HDAC1: variants seen among roughly 807,000 people sequenced by gnomAD.
HDAC1 encodes protein deacetylase HDAC1.
Under a neutral mutation model 65.5 loss-of-function variants are expected in HDAC1, and 18 were observed. The ratio of observed to expected loss-of-function variants is 0.27; its 90% CI spans 0.19 to 0.41. The LOEUF is 0.41. Ranked by LOEUF, HDAC1 falls within the 10% of genes least tolerant of loss-of-function variation. The pLI is 1.00. For synonymous variants in HDAC1, 211 were observed against 227.9 expected (o/e 0.93, Z 0.67); for missense variants, 373 against 625.2 (o/e 0.60, Z 4.30).
intron 2 of HDAC1, among the ~76,000 whole-genome samples, chr1:32,305,969 G>A (rs1173261449): frequency 6.6e-6 from 1 of 152,022 alleles, no homozygotes; most frequent in Non-Finnish European, 1.5e-5. Flanking sequence ...TACTCATCAA[G>A]CACCTACTTT....
chr1:32,312,583 A>G (rs1641005167), intron 2 of HDAC1, among the ~76,000 whole-genome samples: 1 of 151,886 alleles, frequency 6.6e-6, no homozygotes, highest in African/African-American at 2.4e-5. Flanking sequence ...CTGGTCTCGA[A>G]CTCCTGACTT....
At position 32,331,019 on chromosome 1, in the gene HDAC1, C is replaced by A. The variant is rs993552744; in HGVS notation, c.979+111C>A. 3 of 924,052 alleles carry A rather than the reference C, an allele frequency of 3.2e-6. No homozygotes were observed. The highest frequency in any genetic ancestry group is 4.2e-5 in the Admixed American group (2 of 48,044). 57.2% of individuals were successfully genotyped at this position (924,052 alleles called of 1,614,324 possible). A position where few individuals can be genotyped will look rare whatever the true frequency, so the allele number is the denominator to read the frequency against. On this transcript the variant is annotated intron_variant, in intron 9 of 13. Coordinates refer to ENST00000373548, the MANE Select transcript of HDAC1 (RefSeq NM_004964.3). The surrounding 1 kb of genome is among the most constrained non-coding windows in gnomAD (Gnocchi z 4.2). ...TCATATGACCGCTCCTCTTCTGATA[C>A]TAGTCACTGAGTCTCCTGCCTGTCC...
chr1:32,312,928 G>A (rs534134256), intron 2 of HDAC1, among the ~76,000 whole-genome samples: 37 of 149,670 alleles, frequency 2.5e-4, no homozygotes, highest in Admixed American at 7.3e-4. Flanking sequence ...CTCCCACCTC[G>A]GCCTCCCAAA....
intron 2 of HDAC1, among the ~76,000 whole-genome samples, chr1:32,312,180 G>A (rs1222552900): frequency 1.3e-5 from 2 of 151,914 alleles, no homozygotes; most frequent in Admixed American, 6.6e-5. Flanking sequence ...AGTATCTGTC[G>A]TTCAGTCTTA....
chr1:32,300,965 TA>T (rs1201803396), intron 1 of HDAC1, among the ~76,000 whole-genome samples: 1 of 152,120 alleles, frequency 6.6e-6, no homozygotes, highest in Non-Finnish European at 1.5e-5. Context: ...TGTGTTCCAA[TA>T]AAATTTTATT....
chr1:32,330,358 T>C lies in HDAC1; in HGVS notation c.730-220T>C, dbSNP rs1641274744. On this transcript the variant is annotated intron_variant, in intron 7 of 13. Coordinates refer to ENST00000373548, the MANE Select transcript of HDAC1 (RefSeq NM_004964.3). The surrounding 1 kb of genome is among the most constrained non-coding windows in gnomAD (Gnocchi z 4.2). ...GAGGCCATTCTAGGTTCAGTGTTAC[T>C]AGAGTGTTAGAAGGGTCTTAGAGAA... 2 of 525,230 alleles carry C rather than the reference T, an allele frequency of 3.8e-6. No homozygotes were observed. Among genetic ancestry groups the C allele is most frequent in the South Asian group, 2.1e-5 (1 of 48,338 alleles). 32.5% of individuals were successfully genotyped at this position (525,230 alleles called of 1,614,324 possible).
intron 2 of HDAC1, among the ~76,000 whole-genome samples, chr1:32,308,469 A>G (rs1640941944): frequency 6.6e-6 from 1 of 152,210 alleles, no homozygotes; most frequent in Non-Finnish European, 1.5e-5. Context: ...AAATACTCCA[A>G]GTGAGATTTA....
In HDAC1 at chr1:32,293,817, G is replaced by A. The variant is rs1232727890; in HGVS notation, c.49+1599G>A. On this transcript the variant is annotated intron_variant, in intron 1 of 13. Transcript: ENST00000373548. ...CTCAGGAGGCTGAGGCAGGAGAGTCGCTTGAACCCAGGAGGCAGAGGTTGC... is the reference window on the plus strand; with the variant it reads ...CTCAGGAGGCTGAGGCAGGAGAGTCACTTGAACCCAGGAGGCAGAGGTTGC... Among the ~76,000 whole-genome samples the A allele has an allele frequency of 2.0e-5, 3 of 151,256 alleles. No homozygotes were observed. The South Asian group carries it at 6.3e-4, about 32-fold the overall frequency.
intron 3 of HDAC1, among the ~76,000 whole-genome samples, chr1:32,317,463 T>C (rs1330139711): frequency 2.0e-5 from 3 of 152,222 alleles, no homozygotes; most frequent in African/African-American, 7.2e-5. Flanking sequence ...TAAGACTTCA[T>C]ATAGTATAAC....
At chr1:32,303,258 A>G (rs2148058598) in intron 2 of HDAC1, among the ~76,000 whole-genome samples, 1 of 152,186 alleles carries the variant, frequency 6.6e-6, no homozygotes, top group Non-Finnish European at 1.5e-5. Context: ...TGAGCCCAGG[A>G]GTTCGAGACC....
At chr1:32,296,089 G>C (rs72890110) in intron 1 of HDAC1, among the ~76,000 whole-genome samples, 6,510 of 152,260 alleles carry the variant, frequency 0.043, 454 homozygotes, top group African/African-American at 0.15. Context: ...TTCTTGTAGA[G>C]AGGAGGCTCT....
chr1:32,331,971 C>T lies in HDAC1; in HGVS notation c.1220-119C>T. On this transcript the variant is annotated intron_variant, in intron 11 of 13. Transcript: ENST00000373548. This position sits in a 1 kb window ranked among gnomAD's most constrained non-coding sequence, Gnocchi z 4.2. ...GGTTAGGGAGCCCGAGTTCCTCCCT[C>T]TTCTGGTTCCCTTTCCCTTGGTGTC... 1 of 1,398,034 alleles carries T rather than the reference C, an allele frequency of 7.2e-7. No homozygotes were observed. The highest frequency in any genetic ancestry group is 9.6e-7 in the Non-Finnish European group (1 of 1,043,550). The allele number at this position is 1,398,034 out of a possible 1,614,324, so 86.6% of individuals were successfully genotyped here.
intron 13 of HDAC1, 133 bp downstream of exon 13, chr1:32,332,882 G>A: frequency 8.6e-7 from 1 of 1,169,278 alleles, no homozygotes; most frequent in Non-Finnish European, 1.3e-6. Flanking sequence ...AGTCTGTCCA[G>A]CTCTGCAGTT....
intron 3 of HDAC1, among the ~76,000 whole-genome samples, chr1:32,320,471 A>C (rs1440376876): frequency 6.6e-6 from 1 of 152,174 alleles, no homozygotes; most frequent in South Asian, 2.1e-4. Flanking sequence ...ATTGGTAAAA[A>C]ATTGGGAGAC....
At chr1:32,323,895 C>A in intron 3 of HDAC1, among the ~76,000 whole-genome samples, 1 of 152,128 alleles carries the variant, frequency 6.6e-6, no homozygotes, top group Non-Finnish European at 1.5e-5. Context: ...TTTTCTCCCT[C>A]AAGAAACGAA....
At chr1:32,301,420 T>C (rs1329968755) in intron 1 of HDAC1, among the ~76,000 whole-genome samples, 1 of 150,790 alleles carries the variant, frequency 6.6e-6, no homozygotes, top group Non-Finnish European at 1.5e-5. Flanking sequence ...CACTCCAGCC[T>C]GGGCAACACA....
At chr1:32,309,680 CAAA>C (rs560312057) in intron 2 of HDAC1, among the ~76,000 whole-genome samples, 1 of 50,904 alleles carries the variant, frequency 2.0e-5, no homozygotes. Flanking sequence ...GAGCGAGTCT[CAAA>C]AAAAAAAAAA....
At chr1:32,326,639 T>C (rs1012690343) in intron 4 of HDAC1, among the ~76,000 whole-genome samples, 1 of 151,926 alleles carries the variant, frequency 6.6e-6, no homozygotes, top group African/African-American at 2.4e-5. Context: ...TTTTTTTCTA[T>C]GCTATTTCAT....
chr1:32,298,495 C>T (rs905767190), intron 1 of HDAC1, among the ~76,000 whole-genome samples: 3 of 152,052 alleles, frequency 2.0e-5, no homozygotes, highest in Admixed American at 6.6e-5. Flanking sequence ...GGATTACAGG[C>T]GTGAGCCACT....
Sources: allele counts gnomAD v4.1 joint callset (sites outside exome capture counted in the v4.1 genomes callset), GRCh38; gene constraint gnomAD v4.1.1; non-coding constraint Gnocchi (gnomAD v3.1); transcripts MANE v1.5; gene names NCBI Gene and HGNC (gene_info 2026-07-23, HGNC 2026-07-21).